CCSER2: variants seen among roughly 807,000 people sequenced by gnomAD.
The protein encoded by CCSER2 is serine-rich coiled-coil domain-containing protein 2.
CCSER2 carries 46 observed loss-of-function variants against 92.3 expected under a neutral mutation model. The observed-to-expected ratio is 0.50, with a 90% CI of 0.39 to 0.64. The LOEUF (loss-of-function observed/expected upper bound fraction) is 0.64, where lower values mean the gene tolerates loss of function less well. CCSER2 is among the 30% of genes least tolerant of loss of function. The probability of loss-of-function intolerance (pLI) is 0.00; values close to 1 mark genes in which losing one functional copy is unlikely to be tolerated. For synonymous variants in CCSER2, 433 were observed against 431.4 expected, an observed-to-expected ratio of 1.00 and a Z score of -0.04; for missense variants, 1,244 against 1,238.9, an observed-to-expected ratio of 1.00 and a Z score of -0.06.
intron 3 of CCSER2, among the ~76,000 whole-genome samples, chr10:84,393,414 G>A (rs1841640544): frequency 1.3e-5 from 2 of 152,188 alleles, no homozygotes; most frequent in Admixed American, 1.3e-4. Context: ...GTTGAAAAAT[G>A]ATTGCTGTAT....
chr10:84,447,486 G>A (rs1422632407), intron 6 of CCSER2, among the ~76,000 whole-genome samples: 2 of 152,160 alleles, frequency 1.3e-5, no homozygotes, highest in Non-Finnish European at 2.9e-5. Flanking sequence ...CTTCCATTGT[G>A]TAGAGTGTTT....
At chr10:84,347,547 G>A (rs1245698865) in intron 1 of CCSER2, among the ~76,000 whole-genome samples, 4 of 151,510 alleles carry the variant, frequency 2.6e-5, no homozygotes, top group East Asian at 1.9e-4. Flanking sequence ...CTGGCCGGGC[G>A]GGGGCTGCCT....
intron 6 of CCSER2, among the ~76,000 whole-genome samples, chr10:84,449,709 C>T (rs1466018447): frequency 6.6e-6 from 1 of 152,064 alleles, no homozygotes; most frequent in Non-Finnish European, 1.5e-5. Flanking sequence ...ACAAAATTAG[C>T]TGAGCGTGGT....
At chr10:84,359,569 C>T (rs934098802) in intron 1 of CCSER2, among the ~76,000 whole-genome samples, 1 of 151,940 alleles carries the variant, frequency 6.6e-6, no homozygotes, top group East Asian at 1.9e-4. Context: ...TGCTGATCAG[C>T]CTTGGTCAGG....
chr10:84,432,380 A>C (rs1371274162), intron 5 of CCSER2, among the ~76,000 whole-genome samples: 1 of 152,136 alleles, frequency 6.6e-6, no homozygotes, highest in Non-Finnish European at 1.5e-5. Flanking sequence ...CATAGTACCC[A>C]ACAATTTTTC....
intron 5 of CCSER2, among the ~76,000 whole-genome samples, chr10:84,430,002 T>TA (rs1843675598): frequency 6.6e-6 from 1 of 152,100 alleles, no homozygotes; most frequent in African/African-American, 2.4e-5. Flanking sequence ...GTCTGTATTT[T>TA]AAAAAAATAT....
chr10:84,507,742 C>G (rs1433905427), intron 9 of CCSER2, among the ~76,000 whole-genome samples: 1 of 152,114 alleles, frequency 6.6e-6, no homozygotes, highest in Non-Finnish European at 1.5e-5. Flanking sequence ...TTTGAAGTGT[C>G]GTAAAACAGT....
rs1272464428 is a variant in CCSER2, at chr10:84,491,088, C to G, written c.2325+13424C>G. Among the ~76,000 whole-genome samples the G allele has an allele frequency of 2.6e-5, 4 of 152,342 alleles. 1 individual carries two copies. The East Asian group carries it at 7.7e-4, about 29-fold the overall frequency. ...TGAACAGCAAATGTTTCTGCCTGAT[C>G]ATTCCTCTGGAAGCTTCGTCTCAGA... On this transcript the variant is annotated intron_variant, in intron 9 of 9. Transcript: ENST00000372088.
intron 1 of CCSER2, among the ~76,000 whole-genome samples, chr10:84,342,841 T>A (rs985312039): frequency 3.9e-5 from 6 of 152,216 alleles, no homozygotes; most frequent in Non-Finnish European, 4.4e-5. Flanking sequence ...TTCTTGAACT[T>A]TCTTTGCCTT....
At chr10:84,394,389 G>GTGTC (rs1841709805) in intron 3 of CCSER2, among the ~76,000 whole-genome samples, 1 of 72,582 alleles carries the variant, frequency 1.4e-5, no homozygotes, top group African/African-American at 1.3e-4. Flanking sequence ...GAAAGTATGT[G>GTGTC]TGTGTGTGTG....
chr10:84,457,927 G>A (rs547063540), intron 6 of CCSER2, among the ~76,000 whole-genome samples: 4 of 151,202 alleles, frequency 2.6e-5, no homozygotes, highest in Admixed American at 1.3e-4. Flanking sequence ...ATTTTTTTCC[G>A]TAGAGATGGG....
At chr10:84,453,247 A>C (rs1845406445) in intron 6 of CCSER2, among the ~76,000 whole-genome samples, 1 of 152,144 alleles carries the variant, frequency 6.6e-6, no homozygotes. Flanking sequence ...TGATCAGAAC[A>C]ATATATTTCT....
In CCSER2 at chr10:84,479,037, T is replaced by C. The variant is rs544910245; in HGVS notation, c.2325+1373T>C. Among the ~76,000 whole-genome samples the C allele has an allele frequency of 4.6e-5, 7 of 152,302 alleles. No individual in the cohort carries two copies. In the South Asian group the frequency reaches 1.5e-3, roughly 32 times the overall value. On this transcript the variant is annotated intron_variant, in intron 9 of 9. Coordinates refer to ENST00000372088, the MANE Select transcript of CCSER2 (RefSeq NM_001284240.2). ...ATGTTATGCCTTATAATTGTACTAC[T>C]AAGAAGACTGGTGATTCCATTAAGC...
intron 1 of CCSER2, among the ~76,000 whole-genome samples, chr10:84,330,167 A>G (rs1388593298): frequency 6.6e-6 from 1 of 152,258 alleles, no homozygotes; most frequent in African/African-American, 2.4e-5. Context: ...CAAGTCCTTC[A>G]GTGACTCTCC....
At chr10:84,467,701 T>G (rs1213108953) in intron 7 of CCSER2, among the ~76,000 whole-genome samples, 1 of 152,156 alleles carries the variant, frequency 6.6e-6, no homozygotes, top group African/African-American at 2.4e-5. Flanking sequence ...ATATTCCTCT[T>G]TGGACATACT....
chr10:84,431,015 T>C (rs935023132), intron 5 of CCSER2, among the ~76,000 whole-genome samples: 19 of 152,304 alleles, frequency 1.2e-4, no homozygotes, highest in African/African-American at 4.6e-4. Flanking sequence ...TGAGCAAAAA[T>C]AGAGTTCTCA....
chr10:84,429,108 T>C (rs1346335880), intron 5 of CCSER2, among the ~76,000 whole-genome samples: 1 of 151,864 alleles, frequency 6.6e-6, no homozygotes, highest in Non-Finnish European at 1.5e-5. Context: ...ACAGATTGAA[T>C]TGGGAAGTAT....
chr10:84,328,895 G>C (rs1843398615), intron 1 of CCSER2, 87 bp downstream of exon 1: 1 of 152,200 alleles, frequency 6.6e-6, no homozygotes, highest in Admixed American at 6.6e-5. Flanking sequence ...AGTCCGGGGC[G>C]GGGCGGAGGC....
At chr10:84,400,745 C>T (rs1212054026) in intron 3 of CCSER2, among the ~76,000 whole-genome samples, 1 of 151,916 alleles carries the variant, frequency 6.6e-6, no homozygotes, top group Non-Finnish European at 1.5e-5. Context: ...GAATCCTCAT[C>T]TCTACTAAAA....
Sources: allele counts gnomAD v4.1 joint callset (sites outside exome capture counted in the v4.1 genomes callset), GRCh38; gene constraint gnomAD v4.1.1; transcripts MANE v1.5; gene names NCBI Gene and HGNC (gene_info 2026-07-23, HGNC 2026-07-21).